ZNF714: variants seen among roughly 807,000 people sequenced by gnomAD.
ZNF714 encodes the protein zinc finger protein 714.
A neutral mutation model predicts 46.2 loss-of-function variants in ZNF714; 32 were observed. That is an observed-to-expected ratio of 0.69 (90% CI 0.52 to 0.93). The LOEUF is 0.93. ZNF714 is among the 40% of genes least tolerant of loss of function. ZNF714 has a pLI of 0.00. For missense variants in ZNF714, 635 were observed against 646.3 expected, an observed-to-expected ratio of 0.98 and a Z score of 0.19; for synonymous variants, 199 against 213.1, an observed-to-expected ratio of 0.93 and a Z score of 0.58.
chr19:21,118,246 G>T lies in ZNF714; in HGVS notation c.1582G>T (p.Val528Phe). The T allele has an allele frequency of 6.6e-7, 1 of 1,519,178 alleles. No homozygotes were observed. Among genetic ancestry groups the T allele is most frequent in the Non-Finnish European group, 9.0e-7 (1 of 1,113,146 alleles). The allele number at this position is 1,519,178 out of a possible 1,614,324, so 94.1% of individuals were successfully genotyped here. A position where few individuals can be genotyped will look rare whatever the true frequency, so the allele number is the denominator to read the frequency against. Residue 528 changes from valine (V) to phenylalanine (F), a missense_variant, in exon 5 of 5, where the codon GTT (valine) becomes TTT (phenylalanine). Physicochemically the swap from Val to Phe is conservative, Grantham distance 50. Coordinates refer to ENST00000456283, the MANE Select transcript of ZNF714 (RefSeq NM_182515.4). ...GLGEQIARSG[V>F]QDQPGQHGKT... Reference sequence around the variant, plus strand: ...AGGTGAGCAGATCGCGAGGTCAGGAGTTCAAGACCAGCCTGGCCAACATGG... The same window carrying T: ...AGGTGAGCAGATCGCGAGGTCAGGATTTCAAGACCAGCCTGGCCAACATGG...
At position 21,118,550 on chromosome 19, in the gene ZNF714, A is replaced by G. The variant is rs911778331; in HGVS notation, c.*218A>G. ...TTTCAACCAGTCCTCGAACCTTTTT[A>G]AGAAAATAATTTATACTGGAGAGAA... On this transcript the variant is annotated 3_prime_UTR_variant, in exon 5 of 5. Coordinates refer to ENST00000456283, the MANE Select transcript of ZNF714 (RefSeq NM_182515.4). The G allele has an allele frequency of 2.6e-5, 7 of 270,454 alleles. No homozygotes were observed. The highest frequency in any genetic ancestry group is 1.4e-4 in the African/African-American group (6 of 44,134). The allele number at this position is 270,454 out of a possible 1,614,324, so 16.8% of individuals were successfully genotyped here.
intron 4 of ZNF714, among the ~76,000 whole-genome samples, chr19:21,107,420 G>T (rs1256081164): frequency 6.6e-6 from 1 of 152,038 alleles, no homozygotes; most frequent in East Asian, 1.9e-4. Flanking sequence ...TGTATGTTTA[G>T]TAGAGATGGG....
At chr19:21,106,890 C>T (rs1395205638) in intron 4 of ZNF714, among the ~76,000 whole-genome samples, 2 of 151,984 alleles carry the variant, frequency 1.3e-5, no homozygotes, top group Admixed American at 6.6e-5. Context: ...TGCAGTGGTG[C>T]GATCTCGGCT....
intron 1 of ZNF714, 94 bp from the exon 2 acceptor site, chr19:21,083,884 C>T: frequency 7.3e-6 from 4 of 545,898 alleles, no homozygotes; most frequent in South Asian, 7.2e-5. Flanking sequence ...TCGTGGGTTT[C>T]AGTACTGTCT....
chr19:21,097,102 A>G (rs2144840151), intron 2 of ZNF714, among the ~76,000 whole-genome samples: 1 of 152,140 alleles, frequency 6.6e-6, no homozygotes, highest in South Asian at 2.1e-4. Flanking sequence ...TCCTGACATC[A>G]TGATCCGCCT....
chr19:21,114,954 G>T (rs555118001), intron 4 of ZNF714, among the ~76,000 whole-genome samples: 1 of 150,534 alleles, frequency 6.6e-6, no homozygotes, highest in African/African-American at 2.4e-5. Context: ...TTGTATCTTT[G>T]TTCCTCATTT....
chr19:21,082,700 G>A (rs997274268), intron 1 of ZNF714, among the ~76,000 whole-genome samples: 1 of 51,982 alleles, frequency 1.9e-5, no homozygotes, highest in African/African-American at 4.4e-5. Flanking sequence ...GAATGGGTCC[G>A]TGGGGTTCCA....
At chr19:21,109,574 T>C (rs775022490) in intron 4 of ZNF714, 8 of 225,984 alleles carry the variant, frequency 3.5e-5, no homozygotes, top group Non-Finnish European at 5.0e-5. Flanking sequence ...ACCAGTTTCA[T>C]TGTTGTTTTT....
At chr19:21,101,637 G>T (rs1969182681) in intron 4 of ZNF714, among the ~76,000 whole-genome samples, 1 of 152,096 alleles carries the variant, frequency 6.6e-6, no homozygotes, top group Admixed American at 6.6e-5. Context: ...AGCTGGAACT[G>T]AGTCATTAAA....
rs770940264 is a variant in ZNF714 at position 21,117,970 on chromosome 19, C to A, written c.1306C>A (p.Arg436=). 6.2e-7 allele frequency: 1 copy of A among 1,612,734 alleles called. No homozygotes were observed. Among genetic ancestry groups the A allele is most frequent in the East Asian group, 2.2e-5 (1 of 44,792 alleles). Residue 436 remains arginine, a synonymous_variant, in exon 5 of 5, where the codon CGA becomes AGA. Transcript: ENST00000456283. ...TGAAGAATGTGGCAAAGCTTTTAACCGATCCTCAAACCTTACTACACATAA... is the reference window on the plus strand; with the variant it reads ...TGAAGAATGTGGCAAAGCTTTTAACAGATCCTCAAACCTTACTACACATAA... ...KCEECGKAFN[R]SSNLTTHKRI...
rs780388742 is a variant in ZNF714 at position 21,117,636 on chromosome 19, G to A, written c.972G>A (p.Trp324Ter). 1.2e-6 allele frequency: 2 copies of A among 1,610,432 alleles called. No individual in the cohort carries two copies. The highest frequency in any genetic ancestry group is 8.5e-7 in the Non-Finnish European group (1 of 1,178,994). The change falls in exon 5 of 5, where the codon TGG (tryptophan) becomes TGA (stop). Residue 324 changes from tryptophan (W) to a stop codon, truncating the protein, a stop_gained. Coordinates refer to ENST00000456283, the MANE Select transcript of ZNF714 (RefSeq NM_182515.4). LOFTEE classifies it high-confidence loss of function. ...AACAATGTGGCAAAGGCTTTAACTG[G>A]TCTTCAACCCTTACAAAACATAAAA... ...KCEQCGKGFN[W>*]SSTLTKHKRI...
intron 4 of ZNF714, among the ~76,000 whole-genome samples, chr19:21,099,501 T>G (rs1969123832): frequency 6.6e-6 from 1 of 152,126 alleles, no homozygotes; most frequent in African/African-American, 2.4e-5. Flanking sequence ...TGTTACATTA[T>G]TTTTTAGTTC....
At chr19:21,084,184 A>G (rs1308424088) in intron 2 of ZNF714, 115 bp downstream of exon 2, 2 of 295,646 alleles carry the variant, frequency 6.8e-6, no homozygotes, top group Non-Finnish European at 1.0e-5. Context: ...TAGTGTTAAA[A>G]AGAAAAAAAA....
At chr19:21,101,388 G>A (rs1969176625) in intron 4 of ZNF714, among the ~76,000 whole-genome samples, 1 of 152,168 alleles carries the variant, frequency 6.6e-6, no homozygotes, top group Admixed American at 6.5e-5. Flanking sequence ...CCTTTAGATG[G>A]TTTGTTACCA....
intron 4 of ZNF714, among the ~76,000 whole-genome samples, chr19:21,106,196 A>G (rs1295330488): frequency 6.6e-6 from 1 of 152,088 alleles, no homozygotes; most frequent in Non-Finnish European, 1.5e-5. Flanking sequence ...CAGAGATTTC[A>G]GTGAGCCGAG....
chr19:21,110,002 G>T (rs934054788), intron 4 of ZNF714, among the ~76,000 whole-genome samples: 1 of 152,138 alleles, frequency 6.6e-6, no homozygotes, highest in Non-Finnish European at 1.5e-5. Flanking sequence ...TCACAGATGG[G>T]CATTTGGGTT....
In ZNF714 at chr19:21,107,565, GTACTTTT is replaced by G. The variant is rs1568279501; in HGVS notation, c.142+8656_142+8662del. Among the ~76,000 whole-genome samples the G allele has an allele frequency of 1.6e-4, 23 of 145,932 alleles. 1 individual carries two copies. Among genetic ancestry groups the G allele is most frequent in the African/African-American group, 6.2e-4 (22 of 35,568 alleles). On this transcript the variant is annotated intron_variant, in intron 4 of 4. Coordinates refer to ENST00000456283, the MANE Select transcript of ZNF714 (RefSeq NM_182515.4). ...TAGACAAGATTTCTATAATGAAACTGTACTTTTGGGATTTTTAAAGAGCTTATATTGA... is the reference window on the plus strand; with the variant it reads ...TAGACAAGATTTCTATAATGAAACTGGGGATTTTTAAAGAGCTTATATTGA...
chr19:21,108,020 C>G (rs952616476), intron 4 of ZNF714, among the ~76,000 whole-genome samples: 1 of 152,116 alleles, frequency 6.6e-6, no homozygotes, highest in Non-Finnish European at 1.5e-5. Flanking sequence ...GCCTCCTTGA[C>G]TCAAGCGATC....
rs1359009510 is a variant in ZNF714, at chr19:21,082,345, A to T, written c.-180A>T. The T allele has an allele frequency of 6.9e-7, 1 of 1,455,550 alleles. No individual in the cohort carries two copies. The highest frequency in any genetic ancestry group is 9.3e-7 in the Non-Finnish European group (1 of 1,076,638). The allele number at this position is 1,455,550 out of a possible 1,614,324, so 90.2% of individuals were successfully genotyped here. On this transcript the variant is annotated 5_prime_UTR_variant, in exon 1 of 5. Coordinates refer to ENST00000456283, the MANE Select transcript of ZNF714 (RefSeq NM_182515.4). Reference sequence around the variant, plus strand: ...ACGCCAGGTACCCCGGAAGCCTAGAAATGGTGAGAGTGCCGGGTCCGACAT... The same window carrying T: ...ACGCCAGGTACCCCGGAAGCCTAGATATGGTGAGAGTGCCGGGTCCGACAT...
Sources: allele counts gnomAD v4.1 joint callset (sites outside exome capture counted in the v4.1 genomes callset), GRCh38; gene constraint gnomAD v4.1.1; transcripts MANE v1.5; gene names NCBI Gene and HGNC (gene_info 2026-07-23, HGNC 2026-07-21).